The following RALGAPB variants were observed in gnomAD, a reference collection of about 807,000 sequenced individuals.
The protein encoded by RALGAPB is ral GTPase-activating protein subunit beta.
A neutral mutation model predicts 161.1 loss-of-function variants in RALGAPB; 25 were observed. The ratio of observed to expected loss-of-function variants is 0.16; its 90% confidence interval spans 0.11 to 0.22. RALGAPB has a LOEUF of 0.22. RALGAPB is among the 10% of genes least tolerant of loss of function. The probability of loss-of-function intolerance (pLI) is 1.00; values close to 1 mark genes in which losing one functional copy is unlikely to be tolerated. For missense variants in RALGAPB, 1,391 were observed against 1,815.2 expected, an observed-to-expected ratio of 0.77 and a Z score of 4.25; for synonymous variants, 629 against 626.1, an observed-to-expected ratio of 1.00 and a Z score of -0.07.
At chr20:38,508,700 C>T (rs1395102402) in intron 5 of RALGAPB, among the ~76,000 whole-genome samples, 1 of 152,024 alleles carries the variant, frequency 6.6e-6, no homozygotes, top group East Asian at 1.9e-4. Context: ...ATATATACAA[C>T]AGCATATACT....
intron 1 of RALGAPB, among the ~76,000 whole-genome samples, chr20:38,482,578 C>G (rs966091143): frequency 6.6e-6 from 1 of 151,914 alleles, no homozygotes; most frequent in African/African-American, 2.4e-5. Flanking sequence ...CAGGCACACA[C>G]CACTAAGCCC....
chr20:38,564,033 AAGAT>A (rs2145498749), intron 24 of RALGAPB, among the ~76,000 whole-genome samples: 1 of 152,310 alleles, frequency 6.6e-6, no homozygotes, highest in South Asian at 2.1e-4. Context: ...TATGGCAAGA[AAGAT>A]AGAATGACTC....
At chr20:38,509,049 G>A in intron 5 of RALGAPB, 28 bp from the exon 6 acceptor site, 6 of 1,607,652 alleles carry the variant, frequency 3.7e-6, no homozygotes, top group Non-Finnish European at 4.3e-6. Context: ...TTAAGAAATG[G>A]ACTCAGTGGT....
At chr20:38,496,189 C>T (rs566252349) in intron 3 of RALGAPB, among the ~76,000 whole-genome samples, 1 of 152,040 alleles carries the variant, frequency 6.6e-6, no homozygotes, top group Non-Finnish European at 1.5e-5. Context: ...GCAATTTTCT[C>T]ATCATTTTGC....
intron 5 of RALGAPB, among the ~76,000 whole-genome samples, chr20:38,507,213 AT>A (rs1324596536): frequency 6.6e-6 from 1 of 152,054 alleles, no homozygotes; most frequent in Non-Finnish European, 1.5e-5. Context: ...TCTATATAAT[AT>A]TATCTACTTT....
chr20:38,481,214 T>C (rs1029186955), intron 1 of RALGAPB, among the ~76,000 whole-genome samples: 10 of 152,234 alleles, frequency 6.6e-5, no homozygotes, highest in African/African-American at 2.4e-4. Context: ...TCCTTTGAAC[T>C]TCCGTGGTGT....
rs140460773 is a variant in RALGAPB, at chr20:38,517,613, C to T, written c.1159C>T (p.Arg387Trp). ...CACCCCCCCACATAACCGGAGGCAC[C>T]GGGCTGTTACTGTGAATAAGGCCAC... ...STTPPHNRRH[R>W]AVTVNKATMK... The change falls in exon 8 of 30, where the codon CGG becomes TGG. Residue 387 changes from arginine to tryptophan, a missense_variant. This residue lies in a region of RALGAPB where 946 missense variants were observed against 1,257.2 expected (regional missense o/e 0.75). Transcript: ENST00000262879. 8 of 1,613,782 alleles carry T rather than the reference C, an allele frequency of 5.0e-6. No homozygotes were observed. The highest frequency in any genetic ancestry group is 2.7e-5 in the African/African-American group (2 of 74,830).
At chr20:38,474,620 A>C (rs1338327341) in intron 1 of RALGAPB, among the ~76,000 whole-genome samples, 1 of 152,162 alleles carries the variant, frequency 6.6e-6, no homozygotes, top group Non-Finnish European at 1.5e-5. Flanking sequence ...ATTAGCTTTA[A>C]GCATTCCCTT....
At chr20:38,558,500 A>G (rs1282471259) in intron 23 of RALGAPB, 47 bp downstream of exon 23, 1 of 1,407,210 alleles carries the variant, frequency 7.1e-7, no homozygotes, top group African/African-American at 1.5e-5. Flanking sequence ...TGTGCTATAA[A>G]TACACGTCTA....
chr20:38,520,524 C>CTTTTT (rs775371608), intron 9 of RALGAPB, among the ~76,000 whole-genome samples: 32 of 70,298 alleles, frequency 4.6e-4, no homozygotes, highest in African/African-American at 1.7e-3. Flanking sequence ...TGTGTTTTGG[C>CTTTTT]TTTTTTTTTT....
chr20:38,526,852 A>G (rs967236356), intron 13 of RALGAPB, among the ~76,000 whole-genome samples: 1 of 152,198 alleles, frequency 6.6e-6, no homozygotes, highest in Non-Finnish European at 1.5e-5. Context: ...CTCTAATCTG[A>G]TGTTCAAATT....
intron 1 of RALGAPB, among the ~76,000 whole-genome samples, chr20:38,478,204 G>C (rs893811004): frequency 6.6e-6 from 1 of 152,216 alleles, no homozygotes; most frequent in Non-Finnish European, 1.5e-5. Context: ...ATTGCACTTT[G>C]AGGCAAGAGG....
rs1392638697 is a variant in RALGAPB at position 38,548,702 on chromosome 20, C to G, written c.2916C>G (p.Pro972=). 3 of 1,612,866 alleles carry G rather than the reference C, an allele frequency of 1.9e-6. No homozygotes were observed. The South Asian group carries it at 3.3e-5, about 18-fold the overall frequency. ...PLGNEQNDFF[P]SVTVLVRGMS... ...ATTTTATTCTAGATGATTTTTTCCCCTCTGTCACTGTGCTGGTCCGGGGAA... is the reference window on the plus strand; with the variant it reads ...ATTTTATTCTAGATGATTTTTTCCCGTCTGTCACTGTGCTGGTCCGGGGAA... The change falls in exon 20 of 30, where the codon CCC becomes CCG. Residue 972 remains proline (P), a synonymous_variant. Coordinates refer to ENST00000262879, the MANE Select transcript of RALGAPB (RefSeq NM_020336.4).
chr20:38,558,972 C>G (rs1186444476), intron 23 of RALGAPB, among the ~76,000 whole-genome samples: 1 of 152,166 alleles, frequency 6.6e-6, no homozygotes, highest in Non-Finnish European at 1.5e-5. Context: ...ATGGTATGCA[C>G]TTGTCTATGG....
intron 9 of RALGAPB, among the ~76,000 whole-genome samples, 164 bp downstream of exon 9, chr20:38,518,164 T>A (rs2086188420): frequency 6.6e-6 from 1 of 152,200 alleles, no homozygotes; most frequent in African/African-American, 2.4e-5. Flanking sequence ...TAACAGAACT[T>A]AAGAAGTTTT....
intron 1 of RALGAPB, among the ~76,000 whole-genome samples, chr20:38,487,667 C>A (rs528191051): frequency 6.6e-6 from 1 of 152,314 alleles, no homozygotes; most frequent in South Asian, 2.1e-4. Flanking sequence ...GATGAATATA[C>A]AAGTTAAGTG....
At chr20:38,529,494 G>A (rs1181814112) in intron 13 of RALGAPB, among the ~76,000 whole-genome samples, 1 of 150,730 alleles carries the variant, frequency 6.6e-6, no homozygotes, top group East Asian at 2.0e-4. Context: ...TGCAGCCTGG[G>A]CAATAAGAGC....
intron 1 of RALGAPB, among the ~76,000 whole-genome samples, chr20:38,485,423 T>G (rs970593368): frequency 6.6e-6 from 1 of 152,028 alleles, no homozygotes. Flanking sequence ...GAGTTTTTTG[T>G]TTTTTTGTTT....
At chr20:38,485,966 C>CTTTTTTTTTTTTTTTTTTT (rs11481893) in intron 1 of RALGAPB, among the ~76,000 whole-genome samples, 1 of 90,712 alleles carries the variant, frequency 1.1e-5, no homozygotes, top group African/African-American at 4.4e-5. Flanking sequence ...CTTTCTATAT[C>CTTTTTTTTTTTTTTTTTTT]TTTTTTTTTT....
Sources: allele counts gnomAD v4.1 joint callset (sites outside exome capture counted in the v4.1 genomes callset), GRCh38; gene constraint gnomAD v4.1.1; regional missense constraint gnomAD v4.1.1; transcripts MANE v1.5; gene names NCBI Gene and HGNC (gene_info 2026-07-23, HGNC 2026-07-21).